BPTF: variants seen among roughly 807,000 people sequenced by gnomAD.
BPTF encodes the protein nucleosome-remodeling factor subunit BPTF.
BPTF carries 18 observed loss-of-function variants against 292.5 expected under a neutral mutation model. That is an observed-to-expected ratio of 0.06 (90% confidence interval 0.04 to 0.09). BPTF has a LOEUF of 0.09. Ranked by LOEUF, BPTF falls within the 10% of genes least tolerant of loss-of-function variation. BPTF has a pLI of 1.00. For synonymous variants in BPTF, 1,225 were observed against 1,251.9 expected, an observed-to-expected ratio of 0.98 and a Z score of 0.45; for missense variants, 2,726 against 3,498.7, an observed-to-expected ratio of 0.78 and a Z score of 5.57.
chr17:67,856,781 C>CA (rs1272543859), intron 2 of BPTF, among the ~76,000 whole-genome samples: 1 of 152,176 alleles, frequency 6.6e-6, no homozygotes, highest in Non-Finnish European at 1.5e-5. Flanking sequence ...GTGCACACAG[C>CA]ATTTACTACT....
intron 26 of BPTF, chr17:67,974,117 TTGTC>T (rs2069111018): frequency 6.6e-6 from 1 of 152,220 alleles, no homozygotes; most frequent in South Asian, 2.1e-4. Flanking sequence ...TTGAAATGTG[TTGTC>T]TGTCTACCCT....
intron 1 of BPTF, among the ~76,000 whole-genome samples, chr17:67,830,085 T>C (rs1214392783): frequency 6.6e-6 from 1 of 152,256 alleles, no homozygotes; most frequent in Non-Finnish European, 1.5e-5. Flanking sequence ...TACTTCAGCC[T>C]ATAGGTTTTA....
intron 1 of BPTF, among the ~76,000 whole-genome samples, chr17:67,848,819 G>A (rs1488242089): frequency 2.6e-5 from 4 of 152,130 alleles, no homozygotes; most frequent in Non-Finnish European, 4.4e-5. Context: ...TAATTACTCC[G>A]TCGAGGTAAT....
Position 67,874,814 on chromosome 17 carries a change from T to C in BPTF, c.1661-3T>C. ...ATTTTTTTGTTTGTTTTACACATTATAGAAGAAATTTTGGAATCCATAAGA... is the reference window on the plus strand; with the variant it reads ...ATTTTTTTGTTTGTTTTACACATTACAGAAGAAATTTTGGAATCCATAAGA... On this transcript the variant is annotated splice_polypyrimidine_tract_variant and splice_region_variant and intron_variant, in intron 3 of 27. Coordinates refer to ENST00000306378, the MANE Select transcript of BPTF (RefSeq NM_182641.4). 6.2e-7 allele frequency: 1 copy of C among 1,600,174 alleles called. No individual in the cohort carries two copies. The highest frequency in any genetic ancestry group is 1.1e-5 in the South Asian group (1 of 89,050).
Position 67,875,028 on chromosome 17 carries a change from A to G in BPTF, c.1864+8A>G. ...AGCAAGGAAAATCTGAGGGTAAAAA[A>G]ATTACTTGATTAAAAAGAAATATTT... On this transcript the variant is annotated splice_region_variant and intron_variant, in intron 4 of 27. Coordinates refer to ENST00000306378, the MANE Select transcript of BPTF (RefSeq NM_182641.4). The G allele has an allele frequency of 6.3e-7, 1 of 1,593,398 alleles. No homozygotes were observed. The highest frequency in any genetic ancestry group is 8.5e-7 in the Non-Finnish European group (1 of 1,171,786).
Position 67,825,941 on chromosome 17 carries a change from A to G in BPTF, c.217A>G (p.Ser73Gly), listed in dbSNP as rs2055958188. 3.0e-6 allele frequency: 3 copies of G among 1,010,298 alleles called. No homozygotes were observed. Among genetic ancestry groups the G allele is most frequent in the African/African-American group, 1.8e-5 (1 of 57,008 alleles). The allele number at this position is 1,010,298 out of a possible 1,614,324, so 62.6% of individuals were successfully genotyped here. Residue 73 changes from serine (S) to glycine (G), a missense_variant, in exon 1 of 28, where the codon AGC (serine) becomes GGC (glycine). Around this residue, in one of 22 missense-constraint regions of BPTF, gnomAD observed 103 missense variants for 72.1 expected, o/e 1.43. Transcript: ENST00000306378. ...RLSSPRGGSSSRRKPPPPPPA... is the reference protein window; with the variant it reads ...RLSSPRGGSSGRRKPPPPPPA... ...GAGCTCGCCCAGGGGGGGCAGCAGT[A>G]GCCGGAGGAAGCCGCCGCCGCCGCC...
rs1386559019 is a variant in BPTF, at chr17:67,893,400, T to C, written c.2086T>C (p.Ser696Pro). The change falls in exon 6 of 28, where the codon TCA becomes CCA. Residue 696 changes from serine to proline, a missense_variant. Around this residue, in one of 22 missense-constraint regions of BPTF, gnomAD observed 63 missense variants for 84.1 expected, o/e 0.75. Coordinates refer to ENST00000306378, the MANE Select transcript of BPTF (RefSeq NM_182641.4). ...GGTAGTTAACTCTCAAGGAGAAATT[T>C]CACGGTTGAGCACCAAAAAGGAAGT... Reference protein sequence around the residue: ...VLVVNSQGEISRLSTKKEVIM... With the variant: ...VLVVNSQGEIPRLSTKKEVIM... 5.6e-6 allele frequency: 9 copies of C among 1,614,022 alleles called. No individual in the cohort carries two copies. The South Asian group carries it at 8.8e-5, about 16-fold the overall frequency.
In BPTF at chr17:67,896,077, C is replaced by T. The variant is rs557866903; in HGVS notation, c.2543+1912C>T. On this transcript the variant is annotated intron_variant, in intron 7 of 27. Coordinates refer to ENST00000306378, the MANE Select transcript of BPTF (RefSeq NM_182641.4). ...TCCCGGGTTCACGCCATTCTCCTGCCTCAGCCTCCCGAGTAACTGGGACTA... is the reference window on the plus strand; with the variant it reads ...TCCCGGGTTCACGCCATTCTCCTGCTTCAGCCTCCCGAGTAACTGGGACTA... Among the ~76,000 whole-genome samples, 4 of 152,106 alleles carry T rather than the reference C, an allele frequency of 2.6e-5. No homozygotes were observed. In the South Asian group the frequency reaches 6.2e-4, roughly 24 times the overall value.
intron 19 of BPTF, among the ~76,000 whole-genome samples, chr17:67,942,175 G>T (rs1361657501): frequency 6.6e-6 from 1 of 152,074 alleles, no homozygotes; most frequent in Admixed American, 6.6e-5. Context: ...AATTAGTCAG[G>T]CGTGGTGGTG....
At position 67,959,657 on chromosome 17, in the gene BPTF, A is replaced by AGCCCCTCCC. The variant is rs2148297131; in HGVS notation, c.8051_8052insCGCCCCTCC (p.Ala2682_Pro2684dup). On this transcript the variant is annotated inframe_insertion, in exon 24 of 28. Transcript: ENST00000306378. Reference sequence around the variant, plus strand: ...TGACACCAGCTCCTCCAGCCCCTCCAGCCCCTCCACCTTCACCTCCCCCTC... The same window carrying AGCCCCTCCC: ...TGACACCAGCTCCTCCAGCCCCTCCAGCCCCTCCCGCCCCTCCACCTTCACCTCCCCCTC... The AGCCCCTCCC allele has an allele frequency of 3.2e-6, 5 of 1,566,066 alleles. No individual in the cohort carries two copies. Among genetic ancestry groups the AGCCCCTCCC allele is most frequent in the Admixed American group, 1.8e-5 (1 of 54,746 alleles).
intron 2 of BPTF, among the ~76,000 whole-genome samples, chr17:67,856,984 A>G (rs1451534970): frequency 2.0e-5 from 3 of 151,926 alleles, no homozygotes; most frequent in African/African-American, 7.2e-5. Context: ...CCTTGTTATC[A>G]TTGCGTTTTG....
chr17:67,850,228 A>T (rs1206194160), intron 1 of BPTF, among the ~76,000 whole-genome samples: 1 of 152,224 alleles, frequency 6.6e-6, no homozygotes, highest in Non-Finnish European at 1.5e-5. Flanking sequence ...AACTTAAAAA[A>T]TCCCTGTCGT....
chr17:67,924,086 C>T (rs1334035799), intron 14 of BPTF, among the ~76,000 whole-genome samples: 3 of 152,128 alleles, frequency 2.0e-5, no homozygotes, highest in African/African-American at 7.2e-5. Flanking sequence ...GCAAACTCCA[C>T]CTCCCAGGTT....
At chr17:67,943,145 A>C (rs1286771925) in intron 19 of BPTF, among the ~76,000 whole-genome samples, 2 of 152,194 alleles carry the variant, frequency 1.3e-5, no homozygotes, top group Non-Finnish European at 2.9e-5. Flanking sequence ...GGTGAGTCAT[A>C]TGGGGACTTC....
intron 1 of BPTF, among the ~76,000 whole-genome samples, chr17:67,829,881 T>C (rs1399199821): frequency 1.3e-5 from 2 of 152,246 alleles, no homozygotes; most frequent in Non-Finnish European, 2.9e-5. Flanking sequence ...GTAGGTAATG[T>C]AACAATGCAA....
chr17:67,884,087 G>A (rs1322393651), intron 4 of BPTF, among the ~76,000 whole-genome samples: 1 of 150,196 alleles, frequency 6.7e-6, no homozygotes, highest in Non-Finnish European at 1.5e-5. Context: ...GTATTTCATT[G>A]TGTATACCAG....
Position 67,893,743 on chromosome 17 carries a change from T to G in BPTF, c.2411+18T>G. 1 of 1,490,140 alleles carries G rather than the reference T, an allele frequency of 6.7e-7. No homozygotes were observed. Among genetic ancestry groups the G allele is most frequent in the Non-Finnish European group, 9.2e-7 (1 of 1,086,638 alleles). 92.3% of individuals were successfully genotyped at this position (1,490,140 alleles called of 1,614,324 possible). ...TCACATAGGTAAAGGAAACTAAGGT[T>G]AATTTATTGCTGTAAATATACTAAA... On this transcript the variant is annotated intron_variant, in intron 6 of 27. Coordinates refer to ENST00000306378, the MANE Select transcript of BPTF (RefSeq NM_182641.4).
At chr17:67,887,977 C>G (rs1455269945) in intron 4 of BPTF, among the ~76,000 whole-genome samples, 1 of 152,198 alleles carries the variant, frequency 6.6e-6, no homozygotes, top group African/African-American at 2.4e-5. Flanking sequence ...CATATTGTTT[C>G]TAACCCTATG....
rs143731190 is a variant in BPTF at position 67,894,128 on chromosome 17, A to T, written c.2506A>T (p.Met836Leu). The change falls in exon 7 of 28, where the codon ATG becomes TTG. Residue 836 changes from methionine (M) to leucine (L), a missense_variant. This residue lies in a region of BPTF where 99 missense variants were observed against 227.1 expected (regional missense o/e 0.44). Transcript: ENST00000306378. ...GGAGTGTGCAGTTAAACCAGTTGTG[A>T]TGCTACCAATATGGCGAGAATCTTT... is the stretch of plus-strand genomic sequence containing the variant. The part of the protein sequence containing the change: ...ILECAVKPVV[M>L]LPIWRESLGH... The T allele has an allele frequency of 6.2e-6, 10 of 1,614,034 alleles. No individual in the cohort carries two copies. In the African/African-American group the frequency reaches 1.1e-4, roughly 17 times the overall value.
Sources: gnomAD v4.1 joint callset for allele counts (sites outside exome capture counted in the v4.1 genomes callset) on GRCh38, gnomAD v4.1.1 for gene constraint, gnomAD v4.1.1 regional missense constraint, MANE v1.5 for transcripts, NCBI Gene and HGNC (gene_info 2026-07-23, HGNC 2026-07-21) for gene names.